The following KCNMA1 variants were observed in gnomAD, a reference collection of about 807,000 sequenced individuals.
KCNMA1 encodes Calcium-activated potassium channel subunit alpha-1.
KCNMA1 carries 29 observed loss-of-function variants against 140.0 expected under a neutral mutation model. The ratio of observed to expected loss-of-function variants is 0.21; its 90% confidence interval spans 0.15 to 0.28. KCNMA1 has a LOEUF of 0.28. Ranked by LOEUF, KCNMA1 falls within the 10% of genes least tolerant of loss-of-function variation. The pLI is 1.00. For synonymous variants in KCNMA1, 612 were observed against 611.9 expected (o/e 1.00, Z 0.00); for missense variants, 880 against 1,602.2 (o/e 0.55, Z 7.70).
In KCNMA1 at chr10:76,885,620, C is replaced by A. The variant is rs541786496; in HGVS notation, c.*1646G>T. The A allele has an allele frequency of 4.1e-6, 4 of 985,174 alleles. No homozygotes were observed. The East Asian group carries it at 3.4e-4, about 84-fold the overall frequency. The allele number at this position is 985,174 out of a possible 1,614,324, so 61.0% of individuals were successfully genotyped here. On this transcript the variant is annotated 3_prime_UTR_variant, in exon 28 of 28. Coordinates refer to ENST00000286628, the MANE Select transcript of KCNMA1 (RefSeq NM_001161352.2). ...GACATGTTTTCCTCCTCCCTTTTAC[C>A]CCTATTCTATTCGATGGAATTCTTT...
chr10:77,123,562 G>A (rs959095540), intron 5 of KCNMA1, among the ~76,000 whole-genome samples: 1 of 152,154 alleles, frequency 6.6e-6, no homozygotes, highest in Non-Finnish European at 1.5e-5. Context: ...ACGTGGAGTA[G>A]AAGGCGACTG....
intron 1 of KCNMA1, among the ~76,000 whole-genome samples, chr10:77,570,661 G>A (rs11002207): frequency 0.01 from 1,535 of 148,792 alleles, 37 homozygotes; most frequent in African/African-American, 0.036. Context: ...TGGGTGCAGC[G>A]CACCAGCATG....
At chr10:77,619,414 G>A (rs1285359464) in intron 1 of KCNMA1, among the ~76,000 whole-genome samples, 1 of 151,942 alleles carries the variant, frequency 6.6e-6, no homozygotes, top group Non-Finnish European at 1.5e-5. Flanking sequence ...TCCCTAAGAA[G>A]TAGCATTCCC....
rs575716867 is a variant in KCNMA1 at position 77,412,395 on chromosome 10, G to A, written c.379-8372C>T. ...CCACTCCATTGCCCCATCTCCTCTCGTCTGTTGAAACTGACCCAGCAGCCC... is the reference window on the plus strand; with the variant it reads ...CCACTCCATTGCCCCATCTCCTCTCATCTGTTGAAACTGACCCAGCAGCCC... On this transcript the variant is annotated intron_variant, in intron 1 of 27. Transcript: ENST00000286628. Among the ~76,000 whole-genome samples, 7 of 152,158 alleles carry A rather than the reference G, an allele frequency of 4.6e-5. 1 individual carries two copies. Among genetic ancestry groups the A allele is most frequent in the East Asian group, 1.9e-4 (1 of 5,170 alleles).
At chr10:77,136,261 A>G (rs1352102521) in intron 5 of KCNMA1, among the ~76,000 whole-genome samples, 2 of 152,240 alleles carry the variant, frequency 1.3e-5, no homozygotes, top group Admixed American at 6.5e-5. Context: ...AAATCCAAAA[A>G]TAGGTCTTAC....
At chr10:77,173,143 A>G (rs937409448) in intron 5 of KCNMA1, among the ~76,000 whole-genome samples, 10 of 152,168 alleles carry the variant, frequency 6.6e-5, no homozygotes, top group Admixed American at 5.9e-4. Flanking sequence ...TGGTAAAAAC[A>G]TGGATTGTTT....
chr10:77,111,881 T>C (rs2153887116), intron 7 of KCNMA1, among the ~76,000 whole-genome samples: 1 of 151,976 alleles, frequency 6.6e-6, no homozygotes, highest in East Asian at 1.9e-4. Flanking sequence ...TTTCAAAGAG[T>C]CACTAATGAA....
chr10:77,548,856 A>G (rs2062043404), intron 1 of KCNMA1, among the ~76,000 whole-genome samples: 1 of 152,240 alleles, frequency 6.6e-6, no homozygotes, highest in Non-Finnish European at 1.5e-5. Flanking sequence ...ACATTATGCT[A>G]AGCACTTGGG....
intron 2 of KCNMA1, among the ~76,000 whole-genome samples, chr10:77,347,376 C>T (rs207676): frequency 0.84 from 127,243 of 152,174 alleles, 53,358 homozygotes; most frequent in Middle Eastern, 0.9. Context: ...GAGGTAGAGA[C>T]GAGTGAACTT....
At chr10:77,025,250 A>G (rs1256185418) in intron 16 of KCNMA1, among the ~76,000 whole-genome samples, 39 of 79,676 alleles carry the variant, frequency 4.9e-4, no homozygotes, top group Admixed American at 6.9e-4. Flanking sequence ...GTGTATATAT[A>G]TATATATATA....
At chr10:76,995,542 C>G (rs1251402113) in intron 19 of KCNMA1, 2 of 470,816 alleles carry the variant, frequency 4.2e-6, no homozygotes, top group East Asian at 1.4e-4. Flanking sequence ...GACAAGAAAG[C>G]TCAAGTGGAA....
intron 16 of KCNMA1, among the ~76,000 whole-genome samples, chr10:77,023,107 A>G (rs930947271): frequency 7.2e-5 from 11 of 152,220 alleles, no homozygotes; most frequent in African/African-American, 2.7e-4. Context: ...CTCAAGTTGT[A>G]TCACATTTCA....
chr10:77,394,501 C>T (rs561493817), intron 2 of KCNMA1, among the ~76,000 whole-genome samples: 4 of 152,280 alleles, frequency 2.6e-5, no homozygotes, highest in Admixed American at 6.5e-5. Flanking sequence ...TGGGGGCTGC[C>T]GAAGCAGTGG....
At chr10:77,050,605 T>C (rs546362248) in intron 14 of KCNMA1, among the ~76,000 whole-genome samples, 10 of 152,350 alleles carry the variant, frequency 6.6e-5, no homozygotes, top group Admixed American at 6.5e-4. Flanking sequence ...AAAATCCAGT[T>C]TCTCATGCCT....
chr10:77,422,442 G>T (rs894244889), intron 1 of KCNMA1, among the ~76,000 whole-genome samples: 1 of 152,202 alleles, frequency 6.6e-6, no homozygotes, highest in African/African-American at 2.4e-5. Flanking sequence ...CCTCTAGCTG[G>T]AGTTTGCTCC....
intron 15 of KCNMA1, among the ~76,000 whole-genome samples, chr10:77,033,098 C>T (rs1156228786): frequency 6.6e-6 from 1 of 152,216 alleles, no homozygotes; most frequent in African/African-American, 2.4e-5. Context: ...CCAGAGGGCC[C>T]CTGGGAATGT....
intron 3 of KCNMA1, among the ~76,000 whole-genome samples, chr10:77,225,629 C>T (rs1480440155): frequency 6.6e-6 from 1 of 152,182 alleles, no homozygotes; most frequent in Non-Finnish European, 1.5e-5. Context: ...ATGGGAAACT[C>T]CTGCGGCTGT....
intron 15 of KCNMA1, among the ~76,000 whole-genome samples, chr10:77,028,757 C>A (rs550747479): frequency 8.5e-5 from 13 of 152,210 alleles, no homozygotes; most frequent in Non-Finnish European, 1.9e-4. Flanking sequence ...CCTTAAGAGT[C>A]CTGGACTTGT....
chr10:77,313,174 T>C (rs1488383933), intron 2 of KCNMA1, among the ~76,000 whole-genome samples: 3 of 152,198 alleles, frequency 2.0e-5, no homozygotes, highest in Non-Finnish European at 4.4e-5. Context: ...AGTTCATTTC[T>C]GTGCTTGAAT....
Sources: gnomAD v4.1 joint callset for allele counts (sites outside exome capture counted in the v4.1 genomes callset) on GRCh38, gnomAD v4.1.1 for gene constraint, MANE v1.5 for transcripts, NCBI Gene and HGNC (gene_info 2026-07-23, HGNC 2026-07-21) for gene names.